The following LATS2 variants were observed in gnomAD, a reference collection of about 807,000 sequenced individuals.
LATS2 encodes serine/threonine-protein kinase LATS2.
In LATS2, 24 loss-of-function variants were observed where a neutral mutation model predicts 76.0. The observed-to-expected ratio is 0.32, with a 90% CI of 0.23 to 0.44. The LOEUF (loss-of-function observed/expected upper bound fraction) is 0.44, where lower values mean the gene tolerates loss of function less well. Among genes scored for constraint, LATS2 ranks in the 20% least tolerant of loss-of-function variants. The pLI, the probability that LATS2 is intolerant of heterozygous loss-of-function variation, is 1.00. For synonymous variants in LATS2, 692 were observed against 635.4 expected (o/e 1.09, Z -1.34); for missense variants, 1,286 against 1,481.2 (o/e 0.87, Z 2.16).
chr13:20,987,794 C>A (rs1403134041), intron 4 of LATS2, 87 bp downstream of exon 4: 2 of 1,475,272 alleles, frequency 1.4e-6, no homozygotes, highest in South Asian at 1.3e-5. Flanking sequence ...GGTATACAGT[C>A]GAAACAGAAA....
At chr13:21,047,236 C>T (rs2138408012) in intron 1 of LATS2, among the ~76,000 whole-genome samples, 1 of 152,306 alleles carries the variant, frequency 6.6e-6, no homozygotes. Context: ...GCTGGGTGAC[C>T]CTGGACCAGT....
At chr13:21,016,076 G>A (rs188458791) in intron 2 of LATS2, among the ~76,000 whole-genome samples, 23 of 151,518 alleles carry the variant, frequency 1.5e-4, no homozygotes, top group East Asian at 5.8e-4. Context: ...TGCAACCTCC[G>A]CCTCCTGGGT....
chr13:21,018,661 CT>C (rs112626537), intron 2 of LATS2, among the ~76,000 whole-genome samples: 9 of 149,842 alleles, frequency 6.0e-5, no homozygotes, highest in Middle Eastern at 3.4e-3. Context: ...CAGAGTCCCT[CT>C]TTTTTTTTTG....
At chr13:21,054,003 G>A (rs1450703162) in intron 1 of LATS2, among the ~76,000 whole-genome samples, 1 of 152,124 alleles carries the variant, frequency 6.6e-6, no homozygotes, top group Non-Finnish European at 1.5e-5. Flanking sequence ...TTGCAGTAAT[G>A]GTGCATTTAA....
At chr13:20,981,389 G>T in intron 6 of LATS2, 77 bp downstream of exon 6, 2 of 1,359,626 alleles carry the variant, frequency 1.5e-6, no homozygotes, top group Non-Finnish European at 1.0e-6. Flanking sequence ...TCCTTGGAAA[G>T]CTAGAGCCAG....
In LATS2 at chr13:20,973,978, C is replaced by CG. The variant is rs1385700443; in HGVS notation, c.*891_*892insC. 1.5e-5 allele frequency: 3 copies of CG among 199,760 alleles called. No individual in the cohort carries two copies. The highest frequency in any genetic ancestry group is 6.2e-5 in the Admixed American group (1 of 16,038). 12.4% of individuals were successfully genotyped at this position (199,760 alleles called of 1,614,324 possible). The stretch of plus-strand genomic sequence containing the variant: ...TATGACAAATGTTTCAGTTCCCCCC[C>CG]CCCAAAGAATCCAATCACAACCAAG... On this transcript the variant is annotated 3_prime_UTR_variant, in exon 8 of 8. Transcript: ENST00000382592.
At position 20,988,100 on chromosome 13, in the gene LATS2, G is replaced by A. The variant is rs554489329; in HGVS notation, c.1680C>T (p.Ser560=). The A allele has an allele frequency of 9.9e-6, 16 of 1,614,264 alleles. No homozygotes were observed. In the South Asian group the frequency reaches 1.4e-4, roughly 14 times the overall value. ...CCTTTCCGCCTTTGTCCCCCTTGGC[G>A]CTTTTGCGGCTCTTGTCGCCGCCCT... The part of the protein sequence containing the change: ...EPEGGDKSRK[S]AKGDKGGKDK... Residue 560 remains serine (S), a synonymous_variant, in exon 4 of 8, where the codon AGC becomes AGT. Coordinates refer to ENST00000382592, the MANE Select transcript of LATS2 (RefSeq NM_014572.3).
intron 2 of LATS2, among the ~76,000 whole-genome samples, chr13:21,007,761 T>TA (rs57849094): frequency 0.4 from 3,085 of 7,760 alleles, 1,051 homozygotes; most frequent in Non-Finnish European, 0.52. Flanking sequence ...TATATATATA[T>TA]TTTTTTTTTT....
chr13:20,987,908 C>A lies in LATS2; in HGVS notation c.1872G>T (p.Arg624Ser). ...TGGCCATTTCTTGCTCCAGCTGCAG[C>A]CTCCGGTTAACCTTCTGCTGGTAGG... ...IKTYQQKVNRRLQLEQEMAKA... is the reference protein window; with the variant it reads ...IKTYQQKVNRSLQLEQEMAKA... Residue 624 changes from arginine (R) to serine (S), a missense_variant, in exon 4 of 8, where the codon AGG becomes AGT. By Grantham distance (110) the Arg-to-Ser change is moderately radical. Around this residue, in one of 5 missense-constraint regions of LATS2, gnomAD observed 247 missense variants for 385.4 expected, o/e 0.64. Transcript: ENST00000382592. 6.2e-7 allele frequency: 1 copy of A among 1,613,382 alleles called. No homozygotes were observed. Among genetic ancestry groups the A allele is most frequent in the Non-Finnish European group, 8.5e-7 (1 of 1,179,412 alleles).
intron 2 of LATS2, among the ~76,000 whole-genome samples, chr13:21,013,415 G>T (rs1871677044): frequency 6.6e-6 from 1 of 152,204 alleles, no homozygotes; most frequent in Middle Eastern, 3.2e-3. Flanking sequence ...GTAAAAATTA[G>T]TGTTTGCTGA....
chr13:21,007,676 A>ATATAGTGTG lies in LATS2; in HGVS notation c.343-16273_343-16272insCACACTATA, dbSNP rs1462434832. On this transcript the variant is annotated intron_variant, in intron 2 of 7. Transcript: ENST00000382592. ...GTATATATATATAGTGTGTATATAT[A>ATATAGTGTG]TATATAGTATATATATATATATAGT... Among the ~76,000 whole-genome samples, 9 of 4,314 alleles carry ATATAGTGTG rather than the reference A, an allele frequency of 2.1e-3. 2 individuals carry two copies. The highest frequency in any genetic ancestry group is 1.6e-3 in the Non-Finnish European group (4 of 2,522). 2.8% of individuals were successfully genotyped at this position (4,314 alleles called of 152,430 possible). A position where few individuals can be genotyped will look rare whatever the true frequency, so the allele number is the denominator to read the frequency against.
At chr13:21,041,272 C>T (rs1340895324) in intron 2 of LATS2, among the ~76,000 whole-genome samples, 2 of 151,802 alleles carry the variant, frequency 1.3e-5, no homozygotes, top group African/African-American at 2.4e-5. Flanking sequence ...GCGCCTGGCC[C>T]ACTCCCTTTT....
chr13:20,981,578 C>A lies in LATS2; in HGVS notation c.2553G>T (p.Gly851=). The A allele has an allele frequency of 1.2e-6, 2 of 1,614,042 alleles. No individual in the cohort carries two copies. Among genetic ancestry groups the A allele is most frequent in the Non-Finnish European group, 1.7e-6 (2 of 1,179,952 alleles). Residue 851 remains glycine (G), a synonymous_variant, in exon 6 of 8, where the codon GGG becomes GGT. Coordinates refer to ENST00000382592, the MANE Select transcript of LATS2 (RefSeq NM_014572.3). ...LWDDVSNCRC[G]DRLKTLEQRA... ...TCTGCTCTAGGGTCTTCAGCCTGTCCCCACACCGACAGTTAGACACATCAT... is the reference window on the plus strand; with the variant it reads ...TCTGCTCTAGGGTCTTCAGCCTGTCACCACACCGACAGTTAGACACATCAT...
chr13:20,997,696 T>A (rs1410971969), intron 2 of LATS2, among the ~76,000 whole-genome samples: 1 of 152,204 alleles, frequency 6.6e-6, no homozygotes, highest in African/African-American at 2.4e-5. Context: ...GGTCCCCTTC[T>A]ACTAAGCACA....
intron 4 of LATS2, 55 bp from the exon 5 acceptor site, chr13:20,983,861 A>C (rs1870023242): frequency 7.2e-7 from 1 of 1,384,830 alleles, no homozygotes; most frequent in African/African-American, 1.4e-5. Context: ...TCCCATGATA[A>C]CAAATGACTG....
intron 1 of LATS2, among the ~76,000 whole-genome samples, chr13:21,055,601 C>T (rs1002706539): frequency 6.6e-6 from 1 of 152,158 alleles, no homozygotes; most frequent in South Asian, 2.1e-4. Context: ...CTGGAAAATG[C>T]TATCAGATGT....
chr13:20,988,804 GGGCCGCGGGACCGGCCTGCTT>G lies in LATS2; in HGVS notation c.955_975del (p.Lys319_Ala325del). The G allele has an allele frequency of 6.3e-7, 1 of 1,595,782 alleles. No homozygotes were observed. Among genetic ancestry groups the G allele is most frequent in the Non-Finnish European group, 8.5e-7 (1 of 1,176,988 alleles). On this transcript the variant is annotated inframe_deletion, in exon 4 of 8. Coordinates refer to ENST00000382592, the MANE Select transcript of LATS2 (RefSeq NM_014572.3). ...CGGGAGCCCAGCACATGCAGCTGGT[GGGCCGCGGGACCGGCCTGCTT>G]GTGGTGTGGGTGCGGCACGTAGAGC...
intron 2 of LATS2, among the ~76,000 whole-genome samples, chr13:20,999,217 G>C (rs1460421331): frequency 6.6e-6 from 1 of 152,252 alleles, no homozygotes; most frequent in African/African-American, 2.4e-5. Context: ...TTGCGCGGAT[G>C]CAGCAGAAGC....
chr13:20,988,770 A>C lies in LATS2; in HGVS notation c.1010T>G (p.Val337Gly), dbSNP rs756905759. ...QLHVLGSRSQ[V>G]FASDSPPQSL... ...CTGCGGGGGGCTGTCGCTGGCGAACACCTGGCTGCGGGAGCCCAGCACATG... is the reference window on the plus strand; with the variant it reads ...CTGCGGGGGGCTGTCGCTGGCGAACCCCTGGCTGCGGGAGCCCAGCACATG... The change falls in exon 4 of 8, where the codon GTG becomes GGG. Residue 337 changes from valine (V) to glycine (G), a missense_variant. Val to Gly is a moderately radical substitution (Grantham distance 109). Transcript: ENST00000382592. The C allele has an allele frequency of 6.3e-7, 1 of 1,586,354 alleles. No homozygotes were observed. The highest frequency in any genetic ancestry group is 8.5e-7 in the Non-Finnish European group (1 of 1,172,798).
Sources: gnomAD v4.1 joint callset for allele counts (sites outside exome capture counted in the v4.1 genomes callset) on GRCh38, gnomAD v4.1.1 for gene constraint, gnomAD v4.1.1 regional missense constraint, MANE v1.5 for transcripts, NCBI Gene and HGNC (gene_info 2026-07-23, HGNC 2026-07-21) for gene names.